The following GPR21 variants were observed in gnomAD, a reference collection of about 807,000 sequenced individuals.
GPR21 encodes G protein-coupled receptor 21, also known as probable G protein-coupled receptor 21.
Under a neutral mutation model 21.5 loss-of-function variants are expected in GPR21, and 9 were observed. The observed-to-expected ratio is 0.42, with a 90% confidence interval of 0.25 to 0.73. The LOEUF (loss-of-function observed/expected upper bound fraction) is 0.73, where lower values mean the gene tolerates loss of function less well. Among genes scored for constraint, GPR21 ranks in the 30% least tolerant of loss-of-function variants. The pLI, the probability that GPR21 is intolerant of heterozygous loss-of-function variation, is 0.27. For synonymous variants in GPR21, 169 were observed against 159.3 expected (o/e 1.06, Z -0.46); for missense variants, 416 against 428.9 (o/e 0.97, Z 0.27).
chr9:123,035,375 T>G lies in GPR21; in HGVS notation c.809T>G (p.Ile270Ser). The part of the protein sequence containing the change: ...VFYILWLPYI[I>S]YFLLESSTGH... ...TACATCCTCTGGTTGCCATATATCA[T>G]CTACTTCTTGTTGGAAAGCTCCACT... The change falls in exon 2 of 2, where the codon ATC becomes AGC. Residue 270 changes from isoleucine to serine, a missense_variant. Ile to Ser is a moderately radical substitution (Grantham distance 142). Transcript: ENST00000616002. 6.2e-7 allele frequency: 1 copy of G among 1,614,158 alleles called. No homozygotes were observed. Among genetic ancestry groups the G allele is most frequent in the Non-Finnish European group, 8.5e-7 (1 of 1,180,008 alleles).
the GPR21 span, among the ~76,000 whole-genome samples, chr9:123,045,675 A>ATG: frequency 1.3e-5 from 2 of 152,106 alleles, no homozygotes; most frequent in African/African-American, 4.8e-5. Flanking sequence ...GTTGCATATT[A>ATG]TGTTAATAGT....
chr9:123,040,936 G>A, the GPR21 span, among the ~76,000 whole-genome samples: 1 of 152,034 alleles, frequency 6.6e-6, no homozygotes, highest in African/African-American at 2.4e-5. Context: ...AGTGGCCACT[G>A]GGTTATCTAT....
chr9:123,043,991 C>G, the GPR21 span, among the ~76,000 whole-genome samples: 1 of 150,990 alleles, frequency 6.6e-6, no homozygotes, highest in South Asian at 2.1e-4. Flanking sequence ...AGCTCCGCCT[C>G]CCGGGTTCAG....
chr9:123,040,246 T>G (rs181390389), downstream of GPR21, among the ~76,000 whole-genome samples: 16 of 152,304 alleles, frequency 1.1e-4, no homozygotes, highest in East Asian at 2.7e-3. Flanking sequence ...CACAGCACTG[T>G]TTTTTGTGGG....
At chr9:123,038,799 C>T (rs1435967898), downstream of GPR21, among the ~76,000 whole-genome samples, 1 of 151,528 alleles carries the variant, frequency 6.6e-6, no homozygotes, top group Non-Finnish European at 1.5e-5. Flanking sequence ...ATATTGTAGA[C>T]ATTTCTTATG....
rs765838132 is a variant in GPR21, at chr9:123,034,703, A to C, written c.137A>C (p.Asn46Thr). Residue 46 changes from asparagine (N) to threonine (T), a missense_variant, in exon 2 of 2, where the codon AAC (asparagine) becomes ACC (threonine). Asn to Thr is a moderately conservative substitution (Grantham distance 65). Coordinates refer to ENST00000616002, the MANE Select transcript of GPR21 (RefSeq NM_005294.3). ...CTAACTGTATTGATTATTTCTGGCA[A>C]CATCATTGTGATTTTTGTATTTCAC... The part of the protein sequence containing the change: ...VFLTVLIISG[N>T]IIVIFVFHCA... 4.3e-6 allele frequency: 7 copies of C among 1,613,598 alleles called. No homozygotes were observed. In the South Asian group the frequency reaches 4.4e-5, roughly 10 times the overall value.
chr9:123,047,389 G>A, the GPR21 span, among the ~76,000 whole-genome samples: 1 of 152,124 alleles, frequency 6.6e-6, no homozygotes, highest in Non-Finnish European at 1.5e-5. Context: ...AACTTTTAAA[G>A]TAGCTGTTTT....
the GPR21 span, among the ~76,000 whole-genome samples, chr9:123,048,669 C>T: frequency 1.4e-4 from 21 of 152,204 alleles, no homozygotes; most frequent in Admixed American, 1.4e-3. Flanking sequence ...TATGACTTTG[C>T]ATATAATAAT....
chr9:123,035,558 C>T lies in GPR21; in HGVS notation c.992C>T (p.Thr331Ile), dbSNP rs994872788. 2 of 1,612,880 alleles carry T rather than the reference C, an allele frequency of 1.2e-6. No individual in the cohort carries two copies. The highest frequency in any genetic ancestry group is 1.3e-5 in the African/African-American group (1 of 74,842). The change falls in exon 2 of 2, where the codon ACA (threonine) becomes ATA (isoleucine). Residue 331 changes from threonine (T) to isoleucine (I), a missense_variant. Thr to Ile is a moderately conservative substitution (Grantham distance 89). Coordinates refer to ENST00000616002, the MANE Select transcript of GPR21 (RefSeq NM_005294.3). The part of the protein sequence containing the change: ...AMCTSCASQT[T>I]ANDPYTVRSK... ...TGTACTTCTTGTGCAAGTCAGACTA[C>T]AGCCAACGACCCTTACACAGTTAGA...
chr9:123,044,687 A>C, the GPR21 span, among the ~76,000 whole-genome samples: 1 of 151,866 alleles, frequency 6.6e-6, no homozygotes, highest in African/African-American at 2.4e-5. Flanking sequence ...GTGCTGGTAC[A>C]TGAGTATAAT....
chr9:123,048,862 T>C, the GPR21 span, among the ~76,000 whole-genome samples: 1 of 152,200 alleles, frequency 6.6e-6, no homozygotes, highest in Non-Finnish European at 1.5e-5. Context: ...CAGGAAAAGG[T>C]TGACAGTGCA....
In GPR21 at chr9:123,035,446, A is replaced by C. The variant is rs1237353861; in HGVS notation, c.880A>C (p.Ile294Leu). The change falls in exon 2 of 2, where the codon ATT (isoleucine) becomes CTT (leucine). Residue 294 changes from isoleucine to leucine, a missense_variant. Ile to Leu is a conservative substitution (Grantham distance 5). Coordinates refer to ENST00000616002, the MANE Select transcript of GPR21 (RefSeq NM_005294.3). ...ATCCTTCTTGACCACCTGGCTTGCTATTAGTAACAGTTTCTGCAACTGTGT... is the reference window on the plus strand; with the variant it reads ...ATCCTTCTTGACCACCTGGCTTGCTCTTAGTAACAGTTTCTGCAACTGTGT... ...FASFLTTWLA[I>L]SNSFCNCVIY... 5 of 1,613,992 alleles carry C rather than the reference A, an allele frequency of 3.1e-6. No individual in the cohort carries two copies. The highest frequency in any genetic ancestry group is 1.3e-5 in the African/African-American group (1 of 74,908).
the GPR21 span, among the ~76,000 whole-genome samples, chr9:123,043,218 A>G: frequency 1.1e-4 from 17 of 152,228 alleles, no homozygotes; most frequent in Non-Finnish European, 2.2e-4. Context: ...GAGATACAGA[A>G]TCCAGGAAAC....
At chr9:123,037,583 T>C (rs1306696194), downstream of GPR21, among the ~76,000 whole-genome samples, 1 of 152,226 alleles carries the variant, frequency 6.6e-6, no homozygotes, top group Admixed American at 6.5e-5. Context: ...AAAATTTACC[T>C]TTTTTCATAC....
the GPR21 span, among the ~76,000 whole-genome samples, chr9:123,047,485 G>A: frequency 6.6e-6 from 1 of 152,084 alleles, no homozygotes; most frequent in Non-Finnish European, 1.5e-5. Flanking sequence ...AATATACTTT[G>A]CTTGGGATTA....
downstream of GPR21, among the ~76,000 whole-genome samples, chr9:123,037,522 A>G (rs965483468): frequency 6.6e-6 from 1 of 152,192 alleles, no homozygotes; most frequent in Admixed American, 6.5e-5. Context: ...ATTCTGAAAA[A>G]TGGTTGTATT....
Position 123,035,637 on chromosome 9 carries a change from C to T in GPR21, c.*21C>T, listed in dbSNP as rs1325544501. The T allele has an allele frequency of 2.5e-6, 3 of 1,212,060 alleles. No individual in the cohort carries two copies. Among genetic ancestry groups the T allele is most frequent in the Admixed American group, 2.0e-5 (1 of 49,932 alleles). The allele number at this position is 1,212,060 out of a possible 1,614,324, so 75.1% of individuals were successfully genotyped here. ...TCTGAAGTGGCTCAGTTACGGGGTT[C>T]CCGTGTGTGTGTGTGTGTGTGTGTG... On this transcript the variant is annotated 3_prime_UTR_variant, in exon 2 of 2. Transcript: ENST00000616002.
chr9:123,045,678 TTAATAGTAAGGC>T, the GPR21 span, among the ~76,000 whole-genome samples: 12 of 152,078 alleles, frequency 7.9e-5, no homozygotes, highest in African/African-American at 2.9e-4. Flanking sequence ...GCATATTATG[TTAATAGTAAGGC>T]TTTTAAAGTT....
At chr9:123,049,041 G>C in the GPR21 span, among the ~76,000 whole-genome samples, 1 of 152,282 alleles carries the variant, frequency 6.6e-6, no homozygotes, top group East Asian at 1.9e-4. Flanking sequence ...GCCATATTTG[G>C]ATTGAAACAA....
Sources: gnomAD v4.1 joint callset for allele counts (sites outside exome capture counted in the v4.1 genomes callset) on GRCh38, gnomAD v4.1.1 for gene constraint, MANE v1.5 for transcripts, NCBI Gene and HGNC (gene_info 2026-07-23, HGNC 2026-07-21) for gene names.